DIDO1: variants seen among roughly 807,000 people sequenced by gnomAD.
The protein encoded by DIDO1 is death inducer-obliterator 1.
A neutral mutation model predicts 99.4 loss-of-function variants in DIDO1; 16 were observed. The ratio of observed to expected loss-of-function variants is 0.16; its 90% CI spans 0.11 to 0.24. The LOEUF (loss-of-function observed/expected upper bound fraction) is 0.24. Among genes scored for constraint, DIDO1 ranks in the 10% least tolerant of loss-of-function variants. The pLI, the probability that DIDO1 is intolerant of heterozygous loss-of-function variation, is 1.00. For missense variants in DIDO1, 2,996 were observed against 3,014.0 expected, an observed-to-expected ratio of 0.99 and a Z score of 0.14; for synonymous variants, 1,366 against 1,239.1, an observed-to-expected ratio of 1.10 and a Z score of -2.15.
intron 2 of DIDO1, among the ~76,000 whole-genome samples, chr20:62,912,270 G>T (rs997480496): frequency 6.6e-6 from 1 of 152,146 alleles, no homozygotes; most frequent in African/African-American, 2.4e-5. Context: ...TGACCCTCAC[G>T]GGCACAATGT....
At position 62,879,737 on chromosome 20, in the gene DIDO1, C is replaced by A. The variant is rs762987950; in HGVS notation, c.6219G>T (p.Gly2073=). The A allele has an allele frequency of 1.2e-6, 2 of 1,611,790 alleles. No homozygotes were observed. The highest frequency in any genetic ancestry group is 2.2e-5 in the East Asian group (1 of 44,860). Residue 2073 remains glycine, a synonymous_variant, in exon 16 of 16, where the codon GGG becomes GGT. Coordinates refer to ENST00000395343, the MANE Select transcript of DIDO1 (RefSeq NM_001193369.2). This position sits in a 1 kb window ranked among gnomAD's most constrained non-coding sequence, Gnocchi z 6.3. The part of the protein sequence containing the change: ...GQWASADFRE[G]KGHEYRNQTF... ...TCTGGTTTCTGTATTCGTGGCCTTT[C>A]CCCTCTCGGAAGTCGGCCGATGCCC...
At chr20:62,928,493 G>A (rs1176900833), upstream of DIDO1, 6 of 152,150 alleles carry the variant, frequency 3.9e-5, no homozygotes, top group Non-Finnish European at 8.8e-5. Flanking sequence ...CACCTACAAG[G>A]TGACGAAGTC....
Position 62,913,564 on chromosome 20 carries a change from A to G in DIDO1, c.-3+646T>C, listed in dbSNP as rs1299450274. On this transcript the variant is annotated intron_variant, in intron 2 of 15. Coordinates refer to ENST00000395343, the MANE Select transcript of DIDO1 (RefSeq NM_001193369.2). Reference sequence around the variant, plus strand: ...TATTCGTTCTCATTGGAAATTTTACATTTAGAAGAAGTTTTCTGCTTGTGC... The same window carrying G: ...TATTCGTTCTCATTGGAAATTTTACGTTTAGAAGAAGTTTTCTGCTTGTGC... Among the ~76,000 whole-genome samples, 5 of 152,392 alleles carry G rather than the reference A, an allele frequency of 3.3e-5. No homozygotes were observed. The East Asian group carries it at 9.6e-4, about 29-fold the overall frequency.
chr20:62,903,172 A>C (rs528171206), intron 6 of DIDO1, among the ~76,000 whole-genome samples: 1 of 152,254 alleles, frequency 6.6e-6, no homozygotes, highest in Non-Finnish European at 1.5e-5. Context: ...CAATTTTTAA[A>C]AACAAATGGG....
rs112136207 is a variant in DIDO1 at position 62,937,848 on chromosome 20, C to G, written c.-252G>C. On this transcript the variant is annotated 5_prime_UTR_variant, in exon 1 of 16. Coordinates refer to the DIDO1 transcript ENST00000266070. ...GCCATCCCGGTTCCAGATTTCCGCG[C>G]TCCAACGCCTCCGCAGCAGCCATCT... is the stretch of plus-strand genomic sequence containing the variant. 8.3e-3 allele frequency: 3,306 copies of G among 398,546 alleles called. 89 individuals carry two copies. Among genetic ancestry groups the G allele is most frequent in the African/African-American group, 0.061 (2,984 of 48,736 alleles). 24.7% of individuals were successfully genotyped at this position (398,546 alleles called of 1,614,324 possible).
chr20:62,895,660 ACAC>A (rs2064503238), intron 8 of DIDO1, among the ~76,000 whole-genome samples: 1 of 152,308 alleles, frequency 6.6e-6, no homozygotes, highest in Admixed American at 6.5e-5. Context: ...TGGAGAGAGA[ACAC>A]CACAAGGCTG....
intron 6 of DIDO1, among the ~76,000 whole-genome samples, chr20:62,903,362 C>T (rs757684402): frequency 8.5e-5 from 13 of 152,192 alleles, no homozygotes; most frequent in Non-Finnish European, 1.6e-4. Context: ...GGAGCAGCAG[C>T]GGTAGCTCCA....
rs772881651 is a variant in DIDO1, at chr20:62,906,114, A to T, written c.1375-14T>A. 6.3e-7 allele frequency: 1 copy of T among 1,599,426 alleles called. No homozygotes were observed. Among genetic ancestry groups the T allele is most frequent in the South Asian group, 1.1e-5 (1 of 89,890 alleles). On this transcript the variant is annotated splice_polypyrimidine_tract_variant and intron_variant, in intron 5 of 15. Coordinates refer to ENST00000395343, the MANE Select transcript of DIDO1 (RefSeq NM_001193369.2). ...TTTAATACCTGCCTGGATAATCAGT[A>T]AAACCCCAAATCATTAAAAAGGTAA...
At position 62,891,938 on chromosome 20, in the gene DIDO1, A is replaced by T. The variant is rs558687361; in HGVS notation, c.3345+49T>A. ...GAGAGGTTAAAAAAAGATGTGTTTA[A>T]ATCAACACAATTTTCCATGGTTGCA... is the stretch of plus-strand genomic sequence containing the variant. On this transcript the variant is annotated intron_variant, in intron 14 of 15. Transcript: ENST00000395343. The T allele has an allele frequency of 2.0e-6, 3 of 1,513,556 alleles. No homozygotes were observed. In the Admixed American group the frequency reaches 5.7e-5, roughly 29 times the overall value. 93.8% of individuals were successfully genotyped at this position (1,513,556 alleles called of 1,614,324 possible).
intron 6 of DIDO1, among the ~76,000 whole-genome samples, chr20:62,901,461 T>C (rs936839556): frequency 6.6e-6 from 1 of 152,254 alleles, no homozygotes; most frequent in African/African-American, 2.4e-5. Flanking sequence ...GCAGAGCTGC[T>C]GCTCTTCCCA....
Position 62,891,170 on chromosome 20 carries a change from T to A in DIDO1, c.3346-15A>T. ...AGACAGAGCTCCTGCAATGGAAGAG[T>A]GGGAAGCACTCATAAAGAAAATGTG... On this transcript the variant is annotated splice_polypyrimidine_tract_variant and intron_variant, in intron 14 of 15. Transcript: ENST00000395343. 6.2e-7 allele frequency: 1 copy of A among 1,612,692 alleles called. No individual in the cohort carries two copies. The highest frequency in any genetic ancestry group is 8.5e-7 in the Non-Finnish European group (1 of 1,179,546).
chr20:62,921,524 T>C (rs2065135601), intron 1 of DIDO1, among the ~76,000 whole-genome samples: 1 of 152,212 alleles, frequency 6.6e-6, no homozygotes, highest in Non-Finnish European at 1.5e-5. Context: ...AGGCAGGGAT[T>C]GCCAAGTGAG....
rs956909310 is a variant in DIDO1 at position 62,922,193 on chromosome 20, T to G, written c.-200+4246A>C. On this transcript the variant is annotated intron_variant, in intron 1 of 15. Transcript: ENST00000395343. ...GCTCTTTTATATGTATGTGTGTGTG[T>G]GTGTATATATATATGTACATATATA... 3.6e-4 allele frequency among the ~76,000 whole-genome samples: 50 copies of G among 139,380 alleles called. 1 individual carries two copies. The highest frequency in any genetic ancestry group is 3.0e-3 in the Admixed American group (41 of 13,480). 91.4% of individuals were successfully genotyped at this position (139,380 alleles called of 152,430 possible). A position where few individuals can be genotyped will look rare whatever the true frequency, so the allele number is the denominator to read the frequency against.
chr20:62,913,643 C>T (rs2064987772), intron 2 of DIDO1, among the ~76,000 whole-genome samples: 1 of 152,234 alleles, frequency 6.6e-6, no homozygotes, highest in Non-Finnish European at 1.5e-5. Flanking sequence ...GGGTCAAGCT[C>T]TCGTTTTCAT....
chr20:62,903,467 CT>C (rs900485790), intron 6 of DIDO1, among the ~76,000 whole-genome samples: 4 of 152,168 alleles, frequency 2.6e-5, no homozygotes, highest in Admixed American at 2.6e-4. Context: ...AACTCACCCC[CT>C]ACCAGGGAGG....
chr20:62,935,914 A>C (rs1338346401), intron 1 of DIDO1, among the ~76,000 whole-genome samples: 1 of 152,236 alleles, frequency 6.6e-6, no homozygotes, highest in Non-Finnish European at 1.5e-5. Flanking sequence ...CTGGGAAACA[A>C]CACAAAGGAG....
In DIDO1 at chr20:62,882,067, A is replaced by AGGCTGCCGCTGCTGTTGT; in HGVS notation, c.3871_3888dup (p.Thr1291_Ala1296dup). The stretch of plus-strand genomic sequence containing the variant: ...GAAGCGGTGGAGGAAGCTGCCGTGG[A>AGGCTGCCGCTGCTGTTGT]GGCTGCCGCTGCTGTTGTGGCTGCT... On this transcript the variant is annotated inframe_insertion, in exon 16 of 16. Coordinates refer to ENST00000395343, the MANE Select transcript of DIDO1 (RefSeq NM_001193369.2). 6.2e-7 allele frequency: 1 copy of AGGCTGCCGCTGCTGTTGT among 1,613,474 alleles called. No individual in the cohort carries two copies. The highest frequency in any genetic ancestry group is 1.1e-5 in the South Asian group (1 of 91,072).
chr20:62,909,601 G>C, intron 4 of DIDO1, 98 bp downstream of exon 4: 1 of 1,459,564 alleles, frequency 6.9e-7, no homozygotes, highest in Admixed American at 1.9e-5. Context: ...CGCCCCACAT[G>C]GGTGCAGCAC....
In DIDO1 at chr20:62,925,782, T is replaced by G. The variant is rs186575104; in HGVS notation, c.-200+657A>C. ...TCCGGGGTCACTGGAAGGCAAAATG[T>G]GTCACAAATACGGCCAGTACAAACC... On this transcript the variant is annotated intron_variant, in intron 1 of 15. Transcript: ENST00000395343. Among the ~76,000 whole-genome samples, 725 of 152,154 alleles carry G rather than the reference T, an allele frequency of 4.8e-3. 9 individuals carry two copies. The highest frequency in any genetic ancestry group is 0.017 in the African/African-American group (690 of 41,494).
Sources: gnomAD v4.1 joint callset for allele counts (sites outside exome capture counted in the v4.1 genomes callset) on GRCh38, gnomAD v4.1.1 for gene constraint, Gnocchi (gnomAD v3.1) non-coding constraint, MANE v1.5 for transcripts, NCBI Gene and HGNC (gene_info 2026-07-23, HGNC 2026-07-21) for gene names.